CLVS2: variants seen among roughly 807,000 people sequenced by gnomAD.
CLVS2 encodes the protein clavesin 2.
A neutral mutation model predicts 29.0 loss-of-function variants in CLVS2; 19 were observed. That is an observed-to-expected ratio of 0.66 (90% confidence interval 0.46 to 0.96). The LOEUF is 0.96. CLVS2 is among the 40% of genes least tolerant of loss of function. The probability of loss-of-function intolerance (pLI) is 0.00; values close to 1 mark genes in which losing one functional copy is unlikely to be tolerated. For synonymous variants in CLVS2, 161 were observed against 151.3 expected (o/e 1.06, Z -0.47); for missense variants, 294 against 404.1 (o/e 0.73, Z 2.34).
chr6:123,065,665 T>C lies in CLVS2; in HGVS notation c.*1904T>C, dbSNP rs1772842865. 2 of 151,836 alleles carry C rather than the reference T, an allele frequency of 1.3e-5. No homozygotes were observed. The highest frequency in any genetic ancestry group is 2.9e-5 in the Non-Finnish European group (2 of 67,800). The allele number at this position is 151,836 out of a possible 1,614,324, so 9.4% of individuals were successfully genotyped here. On this transcript the variant is annotated 3_prime_UTR_variant, in exon 6 of 6. Coordinates refer to ENST00000275162, the MANE Select transcript of CLVS2 (RefSeq NM_001010852.4). ...CCATTGATATTCTTACATTCTTGCC[T>C]ACCTGACATACATTTTGTAGCCATG...
At chr6:123,025,816 A>G (rs189921255) in intron 3 of CLVS2, among the ~76,000 whole-genome samples, 27 of 152,206 alleles carry the variant, frequency 1.8e-4, no homozygotes, top group Admixed American at 6.6e-4. Flanking sequence ...CCTCTGTTGT[A>G]ACTGCATCAT....
At position 123,050,698 on chromosome 6, in the gene CLVS2, G is replaced by C. The variant is rs982148519; in HGVS notation, c.675+1966G>C. 5.9e-5 allele frequency among the ~76,000 whole-genome samples: 9 copies of C among 152,252 alleles called. No homozygotes were observed. The East Asian group carries it at 1.7e-3, about 29-fold the overall frequency. On this transcript the variant is annotated intron_variant, in intron 4 of 5. Transcript: ENST00000275162. ...GGATAGGGGGGACTGCTTTGTACCA[G>C]ATCGCACAGGGACTCATATACCATT... is the stretch of plus-strand genomic sequence containing the variant.
chr6:123,007,524 A>G (rs1774686819), intron 2 of CLVS2, among the ~76,000 whole-genome samples: 1 of 152,228 alleles, frequency 6.6e-6, no homozygotes, highest in South Asian at 2.1e-4. Context: ...TCATAACTGA[A>G]AAATTTCAAG....
chr6:123,046,765 G>A (rs1022685418), intron 3 of CLVS2, among the ~76,000 whole-genome samples: 9 of 152,064 alleles, frequency 5.9e-5, no homozygotes, highest in African/African-American at 2.2e-4. Flanking sequence ...TAGTGCAGCA[G>A]GTTAACAATT....
chr6:123,055,477 T>G (rs1475886697), intron 4 of CLVS2, among the ~76,000 whole-genome samples: 1 of 152,212 alleles, frequency 6.6e-6, no homozygotes, highest in Non-Finnish European at 1.5e-5. Flanking sequence ...ACCAGGATGA[T>G]GTACAGATCA....
intron 2 of CLVS2, among the ~76,000 whole-genome samples, chr6:123,001,590 A>T (rs941648393): frequency 2.6e-5 from 4 of 152,242 alleles, no homozygotes; most frequent in Admixed American, 2.0e-4. Context: ...AATGCCATGG[A>T]ATTAAAAACT....
rs542660543 is a variant in CLVS2, at chr6:123,000,919, T to C, written c.389+2753T>C. 1.2e-3 allele frequency among the ~76,000 whole-genome samples: 183 copies of C among 152,350 alleles called. 1 individual carries two copies. The highest frequency in any genetic ancestry group is 4.3e-3 in the African/African-American group (180 of 41,584). The stretch of plus-strand genomic sequence containing the variant: ...TGAGGCGGAAGAAAATGCCTCAGTT[T>C]ATTTGGAAAACAGGTTATTTATAAT... On this transcript the variant is annotated intron_variant, in intron 2 of 5. Transcript: ENST00000275162.
At position 123,055,914 on chromosome 6, in the gene CLVS2, G is replaced by A; in HGVS notation, c.784G>A (p.Ala262Thr). ...GCCTCCTTATGACATGGGGACATGGGCAAGAACACTGCTAGACCATGAATA... is the reference window on the plus strand; with the variant it reads ...GCCTCCTTATGACATGGGGACATGGACAAGAACACTGCTAGACCATGAATA... ...MLPPYDMGTWARTLLDHEYDD... is the reference protein window; with the variant it reads ...MLPPYDMGTWTRTLLDHEYDD... The change falls in exon 5 of 6, where the codon GCA becomes ACA. Residue 262 changes from alanine (A) to threonine (T), a missense_variant. By Grantham distance (58) the Ala-to-Thr change is moderately conservative. Transcript: ENST00000275162. 6.2e-7 allele frequency: 1 copy of A among 1,613,736 alleles called. No homozygotes were observed. Among genetic ancestry groups the A allele is most frequent in the Non-Finnish European group, 8.5e-7 (1 of 1,179,686 alleles).
chr6:123,001,401 A>T (rs1774587577), intron 2 of CLVS2, among the ~76,000 whole-genome samples: 1 of 151,388 alleles, frequency 6.6e-6, no homozygotes, highest in Non-Finnish European at 1.5e-5. Context: ...TAACAAATCT[A>T]AAAAAAAATG....
intron 3 of CLVS2, among the ~76,000 whole-genome samples, chr6:123,026,915 CTGTT>C (rs1344372582): frequency 6.6e-6 from 1 of 152,102 alleles, no homozygotes; most frequent in East Asian, 1.9e-4. Flanking sequence ...TTGTTCTTGT[CTGTT>C]AGTTATATTC....
intron 3 of CLVS2, among the ~76,000 whole-genome samples, chr6:123,021,132 G>C (rs953247165): frequency 1.3e-5 from 2 of 151,688 alleles, no homozygotes; most frequent in Admixed American, 6.6e-5. Flanking sequence ...AGTTTTACTA[G>C]ATATACAAAT....
At chr6:123,031,457 C>T (rs1775083086) in intron 3 of CLVS2, among the ~76,000 whole-genome samples, 1 of 152,156 alleles carries the variant, frequency 6.6e-6, no homozygotes, top group Admixed American at 6.6e-5. Context: ...GGGGACTATA[C>T]TTAATAATAA....
At chr6:123,030,531 A>G (rs562175989) in intron 3 of CLVS2, among the ~76,000 whole-genome samples, 3 of 152,258 alleles carry the variant, frequency 2.0e-5, no homozygotes, top group East Asian at 1.9e-4. Flanking sequence ...GGTCAGCCCT[A>G]TCTTCAGTAA....
chr6:123,039,864 C>T (rs1284162583), intron 3 of CLVS2, among the ~76,000 whole-genome samples: 1 of 152,002 alleles, frequency 6.6e-6, no homozygotes, highest in East Asian at 1.9e-4. Context: ...TGTAAAACTC[C>T]CTCTTTCAAG....
chr6:122,999,385 A>C (rs1774557396), intron 2 of CLVS2, among the ~76,000 whole-genome samples: 1 of 151,972 alleles, frequency 6.6e-6, no homozygotes. Flanking sequence ...GTTGACAATC[A>C]CTCCAATTTT....
At position 122,999,191 on chromosome 6, in the gene CLVS2, T is replaced by G. The variant is rs181686904; in HGVS notation, c.389+1025T>G. 7.2e-4 allele frequency among the ~76,000 whole-genome samples: 109 copies of G among 152,330 alleles called. 1 individual carries two copies. The East Asian group carries it at 0.019, about 27-fold the overall frequency. ...TAGTTCTGTGAATGGTGACTTTCAATGCATCTGGTTAGTTTAAATCATCTC... is the reference window on the plus strand; with the variant it reads ...TAGTTCTGTGAATGGTGACTTTCAAGGCATCTGGTTAGTTTAAATCATCTC... On this transcript the variant is annotated intron_variant, in intron 2 of 5. Coordinates refer to ENST00000275162, the MANE Select transcript of CLVS2 (RefSeq NM_001010852.4).
At chr6:123,032,407 A>T (rs1041116013) in intron 3 of CLVS2, among the ~76,000 whole-genome samples, 7 of 152,060 alleles carry the variant, frequency 4.6e-5, no homozygotes, top group Non-Finnish European at 1.0e-4. Context: ...TTATAATGAT[A>T]CTTACTTTAT....
rs948704429 is a variant in CLVS2 at position 122,997,487 on chromosome 6, C to A, written c.-291C>A. The A allele has an allele frequency of 1.3e-5, 6 of 446,498 alleles. No individual in the cohort carries two copies. The highest frequency in any genetic ancestry group is 3.1e-5 in the South Asian group (1 of 32,416). 27.7% of individuals were successfully genotyped at this position (446,498 alleles called of 1,614,324 possible). On this transcript the variant is annotated 5_prime_UTR_variant, in exon 2 of 6. Coordinates refer to ENST00000275162, the MANE Select transcript of CLVS2 (RefSeq NM_001010852.4). ...AGGACAAGAAGAGGAGTGCGGAGCC[C>A]TTCAGGGGTTCACATCTCTTTAAAG...
At chr6:123,034,758 A>G (rs1775127225) in intron 3 of CLVS2, among the ~76,000 whole-genome samples, 1 of 152,162 alleles carries the variant, frequency 6.6e-6, no homozygotes, top group Non-Finnish European at 1.5e-5. Context: ...CAGGCTCCAC[A>G]GATTGTACCA....
Sources: allele counts gnomAD v4.1 joint callset (sites outside exome capture counted in the v4.1 genomes callset), GRCh38; gene constraint gnomAD v4.1.1; transcripts MANE v1.5; gene names NCBI Gene and HGNC (gene_info 2026-07-23, HGNC 2026-07-21).